The following ZFPM2 variants were observed in gnomAD, a reference collection of about 807,000 sequenced individuals.
ZFPM2 encodes the protein zinc finger protein, FOG family member 2, also known as zinc finger protein ZFPM2.
Under a neutral mutation model 98.6 loss-of-function variants are expected in ZFPM2, and 20 were observed. The observed-to-expected ratio is 0.20, with a 90% confidence interval of 0.14 to 0.29. The LOEUF is 0.29. Among genes scored for constraint, ZFPM2 ranks in the 10% least tolerant of loss-of-function variants. The pLI, the probability that ZFPM2 is intolerant of heterozygous loss-of-function variation, is 1.00. For synonymous variants in ZFPM2, 518 were observed against 502.7 expected (o/e 1.03, Z -0.41); for missense variants, 1,310 against 1,388.6 (o/e 0.94, Z 0.90).
intron 4 of ZFPM2, among the ~76,000 whole-genome samples, chr8:105,569,468 T>C (rs1815310540): frequency 6.6e-6 from 1 of 152,214 alleles, no homozygotes; most frequent in Non-Finnish European, 1.5e-5. Flanking sequence ...ATCTTGTACC[T>C]GTTTTATTTG....
At position 105,691,527 on chromosome 8, in the gene ZFPM2, C is replaced by T. The variant is rs553132363; in HGVS notation, c.532+57170C>T. Reference sequence around the variant, plus strand: ...CCTCCCAAAGTGCTGGGATTACAGGCGTGAGCCACCGCGCCCAGCCCCAAA... The same window carrying T: ...CCTCCCAAAGTGCTGGGATTACAGGTGTGAGCCACCGCGCCCAGCCCCAAA... On this transcript the variant is annotated intron_variant, in intron 5 of 7. Coordinates refer to ENST00000407775, the MANE Select transcript of ZFPM2 (RefSeq NM_012082.4). Among the ~76,000 whole-genome samples, 13 of 122,312 alleles carry T rather than the reference C, an allele frequency of 1.1e-4. 1 individual carries two copies. The South Asian group carries it at 3.4e-3, about 32-fold the overall frequency. 80.2% of individuals were successfully genotyped at this position (122,312 alleles called of 152,430 possible). A position where few individuals can be genotyped will look rare whatever the true frequency, so the allele number is the denominator to read the frequency against.
At chr8:105,504,987 A>G (rs1362616228) in intron 3 of ZFPM2, among the ~76,000 whole-genome samples, 1 of 152,182 alleles carries the variant, frequency 6.6e-6, no homozygotes, top group Non-Finnish European at 1.5e-5. Context: ...TGAAACAAAC[A>G]TATTTGACTA....
rs565351792 is a variant in ZFPM2, at chr8:105,325,464, A to G, written c.40+6483A>G. On this transcript the variant is annotated intron_variant, in intron 1 of 7. Coordinates refer to ENST00000407775, the MANE Select transcript of ZFPM2 (RefSeq NM_012082.4). Reference sequence around the variant, plus strand: ...TTGTCTCTTGCTTGTAGGGATCAATATTAGTATTAATTAATCACCATTATC... The same window carrying G: ...TTGTCTCTTGCTTGTAGGGATCAATGTTAGTATTAATTAATCACCATTATC... Among the ~76,000 whole-genome samples, 11 of 151,870 alleles carry G rather than the reference A, an allele frequency of 7.2e-5. No homozygotes were observed. In the South Asian group the frequency reaches 2.3e-3, roughly 32 times the overall value.
chr8:105,631,616 A>G (rs1421345562), intron 4 of ZFPM2, among the ~76,000 whole-genome samples: 4 of 152,160 alleles, frequency 2.6e-5, no homozygotes, highest in African/African-American at 4.8e-5. Context: ...TTGACCCCGA[A>G]ACAATTGATA....
At chr8:105,584,616 T>C (rs1376286148) in intron 4 of ZFPM2, among the ~76,000 whole-genome samples, 1 of 152,212 alleles carries the variant, frequency 6.6e-6, no homozygotes, top group East Asian at 1.9e-4. Flanking sequence ...AGTCTTTATG[T>C]GTTTGTGTTT....
chr8:105,399,251 G>T (rs1811285961), intron 1 of ZFPM2, among the ~76,000 whole-genome samples: 1 of 152,170 alleles, frequency 6.6e-6, no homozygotes, highest in South Asian at 2.1e-4. Context: ...TATATCCTGT[G>T]ACAAGCAATG....
rs530901084 is a variant in ZFPM2, at chr8:105,629,275, C to G, written c.421-4971C>G. 3.9e-5 allele frequency among the ~76,000 whole-genome samples: 6 copies of G among 152,298 alleles called. No homozygotes were observed. In the South Asian group the frequency reaches 1.2e-3, roughly 32 times the overall value. ...AGCAGCAGGCTGAATAAATGGGGCA[C>G]CCCTGTTGCGAGTCCTGTGAAGGGG... is the stretch of plus-strand genomic sequence containing the variant. On this transcript the variant is annotated intron_variant, in intron 4 of 7. Coordinates refer to ENST00000407775, the MANE Select transcript of ZFPM2 (RefSeq NM_012082.4).
intron 1 of ZFPM2, among the ~76,000 whole-genome samples, chr8:105,394,173 G>A (rs1454010456): frequency 6.6e-6 from 1 of 152,064 alleles, no homozygotes; most frequent in Non-Finnish European, 1.5e-5. Context: ...GATTACAAGC[G>A]TGAGCCACCG....
chr8:105,768,650 A>T (rs1360283006), intron 5 of ZFPM2, among the ~76,000 whole-genome samples: 2 of 152,008 alleles, frequency 1.3e-5, no homozygotes, highest in Non-Finnish European at 2.9e-5. Flanking sequence ...TTCCATTCAC[A>T]CAATTTAGAA....
chr8:105,457,696 TG>T (rs1265451521), intron 3 of ZFPM2, among the ~76,000 whole-genome samples: 7 of 152,170 alleles, frequency 4.6e-5, no homozygotes, highest in Admixed American at 2.0e-4. Flanking sequence ...GGTTTTTGTT[TG>T]TTTGTTTGTT....
At chr8:105,653,772 A>G (rs1358412061) in intron 5 of ZFPM2, among the ~76,000 whole-genome samples, 1 of 151,082 alleles carries the variant, frequency 6.6e-6, no homozygotes, top group African/African-American at 2.4e-5. Context: ...GAAAACACAG[A>G]GCATGAGCGT....
Position 105,622,309 on chromosome 8 carries a change from G to A in ZFPM2, c.421-11937G>A, listed in dbSNP as rs148536134. 4.1e-3 allele frequency among the ~76,000 whole-genome samples: 620 copies of A among 151,926 alleles called. 5 individuals are homozygous for A. The highest frequency in any genetic ancestry group is 0.013 in the African/African-American group (559 of 41,432). On this transcript the variant is annotated intron_variant, in intron 4 of 7. Transcript: ENST00000407775. Reference sequence around the variant, plus strand: ...AACATACGCATTGATGCTTTTATTCGTATTTCTATTATTTTTATAAAGAAT... The same window carrying A: ...AACATACGCATTGATGCTTTTATTCATATTTCTATTATTTTTATAAAGAAT...
At chr8:105,749,416 G>T (rs1812425410) in intron 5 of ZFPM2, among the ~76,000 whole-genome samples, 1 of 151,962 alleles carries the variant, frequency 6.6e-6, no homozygotes, top group Admixed American at 6.6e-5. Context: ...ACATATATTT[G>T]GGGGCAAAAG....
chr8:105,687,511 T>C (rs963110721), intron 5 of ZFPM2, among the ~76,000 whole-genome samples: 1 of 152,132 alleles, frequency 6.6e-6, no homozygotes, highest in Non-Finnish European at 1.5e-5. Context: ...GTCTAGAAAC[T>C]TGTGAAGAAG....
chr8:105,690,631 G>C (rs9656869), intron 5 of ZFPM2, among the ~76,000 whole-genome samples: 7,099 of 152,108 alleles, frequency 0.047, 560 homozygotes, highest in African/African-American at 0.16. Flanking sequence ...ACACCTGTGG[G>C]AGTAGCCCTG....
intron 1 of ZFPM2, among the ~76,000 whole-genome samples, chr8:105,385,245 A>G (rs1303948483): frequency 2.0e-5 from 3 of 152,230 alleles, no homozygotes; most frequent in Non-Finnish European, 4.4e-5. Flanking sequence ...TCGTTTCTGC[A>G]TGGACTCTGG....
intron 5 of ZFPM2, among the ~76,000 whole-genome samples, chr8:105,635,198 A>G (rs1003988718): frequency 3.3e-5 from 5 of 152,218 alleles, no homozygotes; most frequent in South Asian, 2.1e-4. Context: ...TAAACCAAAT[A>G]GACCTACTGA....
chr8:105,799,564 G>C (rs1350211394), intron 7 of ZFPM2, among the ~76,000 whole-genome samples: 1 of 151,952 alleles, frequency 6.6e-6, no homozygotes, highest in African/African-American at 2.4e-5. Context: ...GCTTTTTAAG[G>C]CCCTCTCAAT....
At chr8:105,357,736 C>T (rs895062245) in intron 1 of ZFPM2, among the ~76,000 whole-genome samples, 1 of 152,032 alleles carries the variant, frequency 6.6e-6, no homozygotes. Flanking sequence ...TAAGGGCTAT[C>T]GTTTTCACTT....
Sources: gnomAD v4.1 joint callset for allele counts (sites outside exome capture counted in the v4.1 genomes callset) on GRCh38, gnomAD v4.1.1 for gene constraint, MANE v1.5 for transcripts, NCBI Gene and HGNC (gene_info 2026-07-23, HGNC 2026-07-21) for gene names.